The following PARP10 variants were observed in gnomAD, a reference collection of about 807,000 sequenced individuals.
The protein encoded by PARP10 is protein mono-ADP-ribosyltransferase PARP10.
A neutral mutation model predicts 82.4 loss-of-function variants in PARP10; 56 were observed. That is an observed-to-expected ratio of 0.68 (90% CI 0.55 to 0.85). The LOEUF (loss-of-function observed/expected upper bound fraction) is 0.85, where lower values mean the gene tolerates loss of function less well. Among genes scored for constraint, PARP10 ranks in the 40% least tolerant of loss-of-function variants. The pLI is 0.00. For synonymous variants in PARP10, 576 were observed against 601.1 expected (o/e 0.96, Z 0.61); for missense variants, 1,227 against 1,379.4 (o/e 0.89, Z 1.75).
At chr8:143,991,547 C>A, upstream of PARP10, 1 of 1,569,440 alleles carries the variant, frequency 6.4e-7, no homozygotes, top group Non-Finnish European at 8.7e-7. Context: ...CCCAGAGCCC[C>A]TTCCCCCCCA....
chr8:143,994,007 T>C (rs1834142022), upstream of PARP10, among the ~76,000 whole-genome samples: 2 of 152,224 alleles, frequency 1.3e-5, no homozygotes, highest in African/African-American at 4.8e-5. Flanking sequence ...CTGTGACGCC[T>C]GCTGCTCCTG....
intron 9 of PARP10, among the ~76,000 whole-genome samples, chr8:143,979,467 A>T (rs1833795970): frequency 6.6e-6 from 1 of 152,246 alleles, no homozygotes; most frequent in Non-Finnish European, 1.5e-5. Flanking sequence ...CTGAGGAAAA[A>T]CATATTTTGA....
At chr8:144,010,766 T>G (rs1297482137) in intron 1 of PARP10, among the ~76,000 whole-genome samples, 2 of 152,038 alleles carry the variant, frequency 1.3e-5, no homozygotes, top group Non-Finnish European at 1.5e-5. Context: ...ACACCTGTAG[T>G]CTCAGCTACT....
At chr8:144,009,814 C>G (rs1434108737) in intron 1 of PARP10, among the ~76,000 whole-genome samples, 1 of 152,168 alleles carries the variant, frequency 6.6e-6, no homozygotes, top group African/African-American at 2.4e-5. Flanking sequence ...TCCTCACATC[C>G]AAGCCAACTC....
chr8:143,991,141 TG>T, upstream of PARP10: 1 of 916,050 alleles, frequency 1.1e-6, no homozygotes, highest in Non-Finnish European at 1.6e-6. Flanking sequence ...TGCGCAGGGC[TG>T]GGTCCCGACG....
chr8:143,993,166 G>C (rs375516448), upstream of PARP10: 1 of 341,258 alleles, frequency 2.9e-6, no homozygotes, highest in Non-Finnish European at 5.5e-6. Flanking sequence ...CAGGTCCCGG[G>C]GAGAGGGATT....
chr8:143,992,821 A>G, upstream of PARP10: 2 of 1,613,530 alleles, frequency 1.2e-6, no homozygotes, highest in Non-Finnish European at 1.7e-6. Context: ...CCTCACCATC[A>G]TTGGCCGCGC....
At chr8:143,989,404 A>G (rs998978451), upstream of PARP10, 2 of 152,246 alleles carry the variant, frequency 1.3e-5, no homozygotes, top group Non-Finnish European at 2.9e-5. This position sits in a 1 kb window ranked among gnomAD's most constrained non-coding sequence, Gnocchi z 4.3. Flanking sequence ...TGTTAGTACA[A>G]AGGGTGACTG....
intron 1 of PARP10, among the ~76,000 whole-genome samples, chr8:144,001,873 CGTGTGT>C (rs57117824): frequency 9.3e-4 from 127 of 136,504 alleles, no homozygotes; most frequent in East Asian, 6.7e-3. Context: ...AATATATATA[CGTGTGT>C]GTGTGTGTGT....
In PARP10 at chr8:143,986,413, C is replaced by G; in HGVS notation, c.-54G>C. 11 of 1,614,010 alleles carry G rather than the reference C, an allele frequency of 6.8e-6. No homozygotes were observed. In the South Asian group the frequency reaches 1.2e-4, roughly 18 times the overall value. ...CATGAGCTCAGCCAGGACTCCTGTG[C>G]CTGCCCCTCAGCAAGCCTAACCCTG... On this transcript the variant is annotated 5_prime_UTR_variant, in exon 1 of 11. Coordinates refer to ENST00000313028, the MANE Select transcript of PARP10 (RefSeq NM_032789.5).
At chr8:143,991,013 G>GCCGC (rs1834083562), upstream of PARP10, 2 of 395,128 alleles carry the variant, frequency 5.1e-6, no homozygotes, top group East Asian at 8.3e-5. Context: ...GCCCCACGGC[G>GCCGC]CCGCCCGTCC....
upstream of PARP10, among the ~76,000 whole-genome samples, chr8:143,993,842 G>A (rs1359403040): frequency 6.6e-6 from 1 of 152,200 alleles, no homozygotes; most frequent in Non-Finnish European, 1.5e-5. Context: ...TTCCACCCAG[G>A]CCTGCCTCTC....
In PARP10 at chr8:143,977,586, G is replaced by A; in HGVS notation, c.2976C>T (p.His992=). Residue 992 remains histidine, a synonymous_variant, in exon 11 of 11, where the codon CAC becomes CAT. Coordinates refer to ENST00000313028, the MANE Select transcript of PARP10 (RefSeq NM_032789.5). Reference sequence around the variant, plus strand: ...GGTGGGTGGGCAGCGCCTGGGTGTCGTGGAAGATGACGAAGATGCTGGGCT... The same window carrying A: ...GGTGGGTGGGCAGCGCCTGGGTGTCATGGAAGATGACGAAGATGCTGGGCT... ...ICQPSIFVIF[H]DTQALPTHLI... is the part of the protein sequence containing the mutation. The A allele has an allele frequency of 6.3e-7, 1 of 1,579,580 alleles. No individual in the cohort carries two copies. The highest frequency in any genetic ancestry group is 8.6e-7 in the Non-Finnish European group (1 of 1,163,272).
chr8:143,992,886 T>A, upstream of PARP10: 1 of 1,583,174 alleles, frequency 6.3e-7, no homozygotes, highest in Non-Finnish European at 8.6e-7. Flanking sequence ...ACGGCTGGCC[T>A]GGACCCTGCC....
chr8:143,977,874 A>T (rs782780930), intron 10 of PARP10, 33 bp downstream of exon 10: 63 of 1,597,954 alleles, frequency 3.9e-5, no homozygotes, highest in Non-Finnish European at 5.3e-5. Flanking sequence ...CGGGGTGCGC[A>T]GAGCCCCCGC....
chr8:144,012,396 C>T, intron 1 of PARP10: 1 of 791,072 alleles, frequency 1.3e-6, no homozygotes, highest in South Asian at 1.7e-5. Context: ...TACCCAGGGC[C>T]CACTGGGCCA....
At chr8:143,991,444 A>T (rs1427243071), upstream of PARP10, 17 of 1,461,870 alleles carry the variant, frequency 1.2e-5, no homozygotes, top group Non-Finnish European at 1.5e-5. Context: ...CAGGGTCCCT[A>T]CCCCCAAGGG....
Position 143,983,043 on chromosome 8 carries a change from C to A in PARP10, c.2445G>T (p.Gly815=). 1 of 1,613,848 alleles carries A rather than the reference C, an allele frequency of 6.2e-7. No homozygotes were observed. Among genetic ancestry groups the A allele is most frequent in the Non-Finnish European group, 8.5e-7 (1 of 1,179,992 alleles). ...CCAGACGCTCCAGGTTGTTCCAGGG[C>A]CCCTTCAGCGTCTGCCCCGCCACTG... ...GPTLAGQTLK[G]PWNNLERLAE... The change falls in exon 9 of 11, where the codon GGG becomes GGT. Residue 815 remains glycine (G), a synonymous_variant. Coordinates refer to ENST00000313028, the MANE Select transcript of PARP10 (RefSeq NM_032789.5).
At chr8:144,006,628 C>G (rs1180033113) in intron 1 of PARP10, among the ~76,000 whole-genome samples, 1 of 152,152 alleles carries the variant, frequency 6.6e-6, no homozygotes, top group Admixed American at 6.5e-5. Flanking sequence ...TTGTGTCCCC[C>G]CTCAAAATGC....
Sources: allele counts gnomAD v4.1 joint callset (sites outside exome capture counted in the v4.1 genomes callset), GRCh38; gene constraint gnomAD v4.1.1; non-coding constraint Gnocchi (gnomAD v3.1); transcripts MANE v1.5; gene names NCBI Gene and HGNC (gene_info 2026-07-23, HGNC 2026-07-21).